SECISBP2L: variants seen among roughly 807,000 people sequenced by gnomAD.
SECISBP2L encodes the protein SECIS binding protein 2 like.
A neutral mutation model predicts 114.7 loss-of-function variants in SECISBP2L; 43 were observed. That is an observed-to-expected ratio of 0.38 (90% CI 0.29 to 0.48). The LOEUF (loss-of-function observed/expected upper bound fraction) is 0.48. Ranked by LOEUF, SECISBP2L falls within the 20% of genes least tolerant of loss-of-function variation. The pLI, the probability that SECISBP2L is intolerant of heterozygous loss-of-function variation, is 0.98. For missense variants in SECISBP2L, 1,136 were observed against 1,301.1 expected, an observed-to-expected ratio of 0.87 and a Z score of 1.95; for synonymous variants, 451 against 439.7, an observed-to-expected ratio of 1.03 and a Z score of -0.32.
chr15:49,011,768 A>G lies in SECISBP2L; in HGVS notation c.1827T>C (p.Phe609=). 6.2e-7 allele frequency: 1 copy of G among 1,614,114 alleles called. No homozygotes were observed. The highest frequency in any genetic ancestry group is 8.5e-7 in the Non-Finnish European group (1 of 1,179,986). ...SEEPTEMHLD[F]IDDLPQEIVS... ...CAATCTCCTGTGGCAAGTCATCAAT[A>G]AAATCTAAGTGCATTTCTGTTGGTT... Residue 609 remains phenylalanine, a synonymous_variant, in exon 13 of 18, where the codon TTT becomes TTC. Transcript: ENST00000559471.
chr15:48,994,198 T>C (rs915333884), intron 17 of SECISBP2L, among the ~76,000 whole-genome samples: 6 of 152,246 alleles, frequency 3.9e-5, no homozygotes, highest in African/African-American at 1.4e-4. Context: ...AGACACCTTA[T>C]AGTAACACTT....
chr15:49,035,586 G>A lies in SECISBP2L; in HGVS notation c.276C>T (p.Ala92=), dbSNP rs967035085. The A allele has an allele frequency of 4.3e-6, 7 of 1,614,168 alleles. No homozygotes were observed. In the Admixed American group the frequency reaches 5.0e-5, roughly 12 times the overall value. ...PNPNPTGPYF[A]YPIISAQPPV... ...GCGGCTGAGCAGATATAATGGGATAGGCAAAGTATGGTCCAGTAGGGTTTG... is the reference window on the plus strand; with the variant it reads ...GCGGCTGAGCAGATATAATGGGATAAGCAAAGTATGGTCCAGTAGGGTTTG... Residue 92 remains alanine, a synonymous_variant, in exon 3 of 18, where the codon GCC becomes GCT. Coordinates refer to ENST00000559471, the MANE Select transcript of SECISBP2L (RefSeq NM_001193489.2).
chr15:49,043,930 C>G (rs1182752185), intron 1 of SECISBP2L, among the ~76,000 whole-genome samples: 1 of 150,112 alleles, frequency 6.7e-6, no homozygotes, highest in Non-Finnish European at 1.5e-5. Flanking sequence ...TTCACAAGAA[C>G]AAGAACATGA....
chr15:49,033,824 C>T (rs550759093), intron 3 of SECISBP2L, among the ~76,000 whole-genome samples: 1 of 152,098 alleles, frequency 6.6e-6, no homozygotes, highest in South Asian at 2.1e-4. Flanking sequence ...AGAGACCGAC[C>T]CTGTCAATCA....
At chr15:49,018,164 C>T (rs1032896433) in intron 8 of SECISBP2L, among the ~76,000 whole-genome samples, 2 of 151,882 alleles carry the variant, frequency 1.3e-5, no homozygotes, top group Admixed American at 1.3e-4. Context: ...AATTGCCAGA[C>T]CTGGATATAT....
intron 1 of SECISBP2L, among the ~76,000 whole-genome samples, chr15:49,038,307 A>G (rs1903053727): frequency 1.3e-5 from 2 of 152,140 alleles, no homozygotes; most frequent in Admixed American, 1.3e-4. Context: ...TAAACTGGGG[A>G]AAATATGAGT....
intron 1 of SECISBP2L, among the ~76,000 whole-genome samples, chr15:49,040,335 G>A (rs1042952118): frequency 6.6e-6 from 1 of 152,026 alleles, no homozygotes; most frequent in Non-Finnish European, 1.5e-5. Context: ...GAGAGAAGCT[G>A]CTATAGTCAA....
At position 49,035,226 on chromosome 15, in the gene SECISBP2L, T is replaced by G. The variant is rs2141084472; in HGVS notation, c.528+108A>C. On this transcript the variant is annotated intron_variant, in intron 3 of 17. Transcript: ENST00000559471. ...TACCATTTTACAATAGTGAACAATA[T>G]GTTTTATAGTAAATTCAGCATTAAT... 11 of 899,770 alleles carry G rather than the reference T, an allele frequency of 1.2e-5. No homozygotes were observed. The South Asian group carries it at 1.7e-4, about 14-fold the overall frequency. 55.7% of individuals were successfully genotyped at this position (899,770 alleles called of 1,614,324 possible).
intron 17 of SECISBP2L, among the ~76,000 whole-genome samples, chr15:48,994,853 A>C (rs962588725): frequency 2.0e-5 from 3 of 152,122 alleles, no homozygotes; most frequent in South Asian, 2.1e-4. Flanking sequence ...AAAAAAAAAA[A>C]AAAAAACAGT....
intron 1 of SECISBP2L, among the ~76,000 whole-genome samples, chr15:49,045,412 G>A (rs1394440020): frequency 1.3e-5 from 2 of 152,182 alleles, no homozygotes; most frequent in African/African-American, 4.8e-5. Flanking sequence ...AATGGGCAAG[G>A]CCTTCGAAGA....
chr15:49,014,786 A>G lies in SECISBP2L; in HGVS notation c.1561+1774T>C, dbSNP rs892757583. On this transcript the variant is annotated intron_variant, in intron 11 of 17. Transcript: ENST00000559471. ...AATTTATAGTAATTATATCATATTA[A>G]CATTTAGCAACTGCTAAATGTTTGT... Among the ~76,000 whole-genome samples, 3 of 140,730 alleles carry G rather than the reference A, an allele frequency of 2.1e-5. No homozygotes were observed. The Admixed American group carries it at 2.2e-4, about 10-fold the overall frequency. The allele number at this position is 140,730 out of a possible 152,430, so 92.3% of individuals were successfully genotyped here.
intron 4 of SECISBP2L, among the ~76,000 whole-genome samples, chr15:49,031,717 T>C (rs1210625363): frequency 2.0e-5 from 3 of 152,198 alleles, no homozygotes; most frequent in African/African-American, 4.8e-5. Flanking sequence ...AAAATACTAA[T>C]AGGATGTATA....
rs1267652494 is a variant in SECISBP2L, at chr15:49,035,480, T to C, written c.382A>G (p.Thr128Ala). The C allele has an allele frequency of 1.1e-5, 17 of 1,614,114 alleles. No homozygotes were observed. Among genetic ancestry groups the C allele is most frequent in the East Asian group, 2.2e-5 (1 of 44,890 alleles). Residue 128 changes from threonine (T) to alanine (A), a missense_variant, in exon 3 of 18, where the codon ACA becomes GCA. Physicochemically the swap from Thr to Ala is moderately conservative, Grantham distance 58 (BLOSUM62 0). Transcript: ENST00000559471. ...GCCTGAAAGGTGTTGGAGTAAGGTG[T>C]AGGAAAAGGATGATAGAAACCCATA... ...QVMGFYHPFP[T>A]PYSNTFQAAN...
chr15:49,031,253 T>C (rs1169931740), intron 4 of SECISBP2L, among the ~76,000 whole-genome samples: 1 of 151,972 alleles, frequency 6.6e-6, no homozygotes, highest in Non-Finnish European at 1.5e-5. Context: ...TTCACCATAC[T>C]GGCCAGGGTA....
At chr15:49,039,372 C>T (rs1903073644) in intron 1 of SECISBP2L, among the ~76,000 whole-genome samples, 1 of 151,792 alleles carries the variant, frequency 6.6e-6, no homozygotes, top group African/African-American at 2.4e-5. Context: ...AAATATTTCC[C>T]CAATTAGGAA....
chr15:49,000,023 T>C lies in SECISBP2L; in HGVS notation c.2249-36A>G, dbSNP rs1423144987. 4 of 1,607,156 alleles carry C rather than the reference T, an allele frequency of 2.5e-6. No homozygotes were observed. In the Admixed American group the frequency reaches 5.1e-5, roughly 20 times the overall value. ...CAACACATGCAGACGCCTTTAGTTG[T>C]TGCCTACATGGAGCTAATTGCACAC... On this transcript the variant is annotated intron_variant, in intron 15 of 17. Coordinates refer to ENST00000559471, the MANE Select transcript of SECISBP2L (RefSeq NM_001193489.2).
At position 49,035,634 on chromosome 15, in the gene SECISBP2L, A is replaced by G; in HGVS notation, c.228T>C (p.Asp76=). 1 of 1,611,590 alleles carries G rather than the reference A, an allele frequency of 6.2e-7. No individual in the cohort carries two copies. Among genetic ancestry groups the G allele is most frequent in the Non-Finnish European group, 8.5e-7 (1 of 1,178,018 alleles). ...TTGGATTGGGTTGTTGCCATCGTAT[A>G]TCATTGTTATATAAAGGAAACTGTC... is the stretch of plus-strand genomic sequence containing the variant. ...SNRQFPLYNN[D]IRWQQPNPNP... The change falls in exon 3 of 18, where the codon GAT becomes GAC. Residue 76 remains aspartate (D), a synonymous_variant. Coordinates refer to ENST00000559471, the MANE Select transcript of SECISBP2L (RefSeq NM_001193489.2).
rs1384204945 is a variant in SECISBP2L, at chr15:49,000,966, A to G, written c.2159T>C (p.Met720Thr). ...VRAKARRRLV[M>T]GLREVTKHMK... ...ATGTTTGGTAACTTCTCTTAGACCC[A>G]TAACGAGTCGTCTCCTTGCTTTTGC... is the stretch of plus-strand genomic sequence containing the variant. Residue 720 changes from methionine (M) to threonine (T), a missense_variant, in exon 15 of 18, where the codon ATG becomes ACG. By Grantham distance (81) the Met-to-Thr change is moderately conservative (BLOSUM62 -1). Coordinates refer to ENST00000559471, the MANE Select transcript of SECISBP2L (RefSeq NM_001193489.2). The G allele has an allele frequency of 1.9e-6, 3 of 1,613,818 alleles. No individual in the cohort carries two copies. Among genetic ancestry groups the G allele is most frequent in the Non-Finnish European group, 1.7e-6 (2 of 1,179,914 alleles).
At chr15:49,014,636 C>T (rs1171369218) in intron 11 of SECISBP2L, among the ~76,000 whole-genome samples, 1 of 151,870 alleles carries the variant, frequency 6.6e-6, no homozygotes, top group Non-Finnish European at 1.5e-5. Context: ...GTTTCCAGAT[C>T]CATCATTTCC....
Sources: allele counts gnomAD v4.1 joint callset (sites outside exome capture counted in the v4.1 genomes callset), GRCh38; gene constraint gnomAD v4.1.1; transcripts MANE v1.5; gene names NCBI Gene and HGNC (gene_info 2026-07-23, HGNC 2026-07-21).